LRRC7: variants seen among roughly 807,000 people sequenced by gnomAD.
The protein encoded by LRRC7 is leucine-rich repeat-containing protein 7.
A neutral mutation model predicts 175.7 loss-of-function variants in LRRC7; 23 were observed. The observed-to-expected ratio is 0.13, with a 90% confidence interval of 0.09 to 0.19. The LOEUF (loss-of-function observed/expected upper bound fraction) is 0.19, where lower values mean the gene tolerates loss of function less well. LRRC7 is among the 10% of genes least tolerant of loss of function. The pLI is 1.00. For missense variants in LRRC7, 1,354 were observed against 1,904.7 expected, an observed-to-expected ratio of 0.71 and a Z score of 5.38; for synonymous variants, 685 against 680.9, an observed-to-expected ratio of 1.01 and a Z score of -0.09.
At chr1:69,824,358 A>G (rs987448345) in intron 4 of LRRC7, among the ~76,000 whole-genome samples, 1 of 152,178 alleles carries the variant, frequency 6.6e-6, no homozygotes, top group Non-Finnish European at 1.5e-5. Context: ...GCCTTTTTTT[A>G]GTGACTATTT....
chr1:69,791,747 G>GA lies in LRRC7; in HGVS notation c.304-291dup, dbSNP rs1557734553. Among the ~76,000 whole-genome samples the GA allele has an allele frequency of 2.0e-5, 3 of 152,060 alleles. No homozygotes were observed. In the East Asian group the frequency reaches 5.8e-4, roughly 29 times the overall value. On this transcript the variant is annotated intron_variant, in intron 3 of 26. Transcript: ENST00000651989. The stretch of plus-strand genomic sequence containing the variant: ...GGACAACTCCAGAAGTTACTTAAAA[G>GA]AAAAAGCAGTCAGTGGGGGATTCAG...
At chr1:69,844,063 G>A (rs753683492) in intron 7 of LRRC7, among the ~76,000 whole-genome samples, 3 of 151,902 alleles carry the variant, frequency 2.0e-5, no homozygotes, top group African/African-American at 4.8e-5. Context: ...CCAGATTAGC[G>A]GTTTACTCTC....
At chr1:69,623,427 G>C (rs986849748) in intron 1 of LRRC7, among the ~76,000 whole-genome samples, 3 of 149,580 alleles carry the variant, frequency 2.0e-5, no homozygotes, top group Non-Finnish European at 4.5e-5. Flanking sequence ...ACATAGCTCT[G>C]CTATGAGGAA....
At chr1:69,915,704 T>C in intron 7 of LRRC7, among the ~76,000 whole-genome samples, 1 of 152,060 alleles carries the variant, frequency 6.6e-6, no homozygotes, top group Non-Finnish European at 1.5e-5. Context: ...TATAAATCCT[T>C]GGAAAAACTT....
chr1:70,058,619 C>T (rs1429709722), intron 23 of LRRC7, among the ~76,000 whole-genome samples: 1 of 152,108 alleles, frequency 6.6e-6, no homozygotes, highest in Non-Finnish European at 1.5e-5. Flanking sequence ...GTGTTAAATG[C>T]TTTAATGTAT....
At chr1:69,817,744 A>G (rs1252721335) in intron 4 of LRRC7, among the ~76,000 whole-genome samples, 1 of 152,038 alleles carries the variant, frequency 6.6e-6, no homozygotes, top group East Asian at 1.9e-4. Flanking sequence ...AACAACATTA[A>G]TTGTTTCACT....
intron 11 of LRRC7, among the ~76,000 whole-genome samples, chr1:70,004,087 A>G (rs1655780019): frequency 6.6e-6 from 1 of 152,190 alleles, no homozygotes; most frequent in East Asian, 1.9e-4. Flanking sequence ...GTTCAAATGA[A>G]AAGTTTATTA....
At position 70,125,812 on chromosome 1, in the gene LRRC7, A is replaced by G. The variant is rs932685319; in HGVS notation, c.*3925A>G. Among the ~76,000 whole-genome samples the G allele has an allele frequency of 3.7e-5, 5 of 136,802 alleles. No individual in the cohort carries two copies. Among genetic ancestry groups the G allele is most frequent in the Non-Finnish European group, 7.9e-5 (5 of 63,646 alleles). The allele number at this position is 136,802 out of a possible 152,430, so 89.7% of individuals were successfully genotyped here. A position where few individuals can be genotyped will look rare whatever the true frequency, so the allele number is the denominator to read the frequency against. ...GTCTCAAAAAAAAAAAAAAAAAAAA[A>G]GAGAAGATTCAGAGGGGAGAAAACA... On this transcript the variant is annotated 3_prime_UTR_variant, in exon 27 of 27. Transcript: ENST00000651989.
Position 70,038,364 on chromosome 1 carries a change from C to T in LRRC7, c.2540C>T (p.Pro847Leu), listed in dbSNP as rs1164805950. ...AGCACATCTTCGCATGGACGCAGGCCTTTGATCAGGCAAGACAGGATTGTT... is the reference window on the plus strand; with the variant it reads ...AGCACATCTTCGCATGGACGCAGGCTTTTGATCAGGCAAGACAGGATTGTT... The part of the protein sequence containing the change: ...SRSTSSHGRR[P>L]LIRQDRIVGV... Residue 847 changes from proline to leucine, a missense_variant, in exon 21 of 27, where the codon CCT becomes CTT. Physicochemically the swap from Pro to Leu is moderately conservative, Grantham distance 98. Coordinates refer to ENST00000651989, the MANE Select transcript of LRRC7 (RefSeq NM_001370785.2). 1 of 1,614,110 alleles carries T rather than the reference C, an allele frequency of 6.2e-7. No individual in the cohort carries two copies.
chr1:69,623,643 T>C (rs1435809601), intron 1 of LRRC7, among the ~76,000 whole-genome samples: 2 of 150,158 alleles, frequency 1.3e-5, no homozygotes, highest in Admixed American at 1.3e-4. Context: ...CTCTGCCTCC[T>C]GGGTTCAAGC....
At chr1:69,596,177 A>G (rs1646837579) in intron 1 of LRRC7, among the ~76,000 whole-genome samples, 1 of 152,102 alleles carries the variant, frequency 6.6e-6, no homozygotes. Flanking sequence ...CGTTATTCTA[A>G]CCAGTTTAAG....
chr1:69,685,117 C>G (rs140553794), intron 2 of LRRC7, among the ~76,000 whole-genome samples: 103 of 152,120 alleles, frequency 6.8e-4, no homozygotes, highest in African/African-American at 2.3e-3. Context: ...TAGCAGAAGC[C>G]CCGACAGTGC....
chr1:70,118,254 A>T (rs1321891111), intron 26 of LRRC7, among the ~76,000 whole-genome samples: 3 of 152,138 alleles, frequency 2.0e-5, no homozygotes, highest in African/African-American at 7.2e-5. Context: ...CATTTTAACA[A>T]ATACAATGTC....
chr1:69,899,797 C>T (rs1426210824), intron 7 of LRRC7, among the ~76,000 whole-genome samples: 1 of 152,142 alleles, frequency 6.6e-6, no homozygotes, highest in Non-Finnish European at 1.5e-5. Flanking sequence ...TCGTGCAGCT[C>T]TTCGGCCGTA....
intron 8 of LRRC7, among the ~76,000 whole-genome samples, chr1:69,960,728 A>G (rs1261103923): frequency 1.3e-5 from 2 of 152,074 alleles, no homozygotes; most frequent in African/African-American, 4.8e-5. Context: ...GACAAAAACC[A>G]TATGATTATC....
intron 14 of LRRC7, among the ~76,000 whole-genome samples, chr1:70,017,627 A>AT (rs775494619): frequency 7.9e-5 from 12 of 152,314 alleles, no homozygotes; most frequent in Non-Finnish European, 1.6e-4. Context: ...TGGTACGTGA[A>AT]TTGTTCATAT....
chr1:69,923,232 G>C (rs945114576), intron 7 of LRRC7, among the ~76,000 whole-genome samples: 40 of 152,076 alleles, frequency 2.6e-4, no homozygotes, highest in Non-Finnish European at 8.8e-5. Context: ...GGACATTTGG[G>C]TTGGTTCCAA....
intron 8 of LRRC7, among the ~76,000 whole-genome samples, chr1:69,947,188 G>T (rs1649429916): frequency 6.6e-6 from 1 of 151,880 alleles, no homozygotes; most frequent in African/African-American, 2.4e-5. Flanking sequence ...TTATAGTTGG[G>T]TCTTGTTATA....
intron 1 of LRRC7, among the ~76,000 whole-genome samples, chr1:69,653,065 A>C (rs540141222): frequency 6.6e-6 from 1 of 152,218 alleles, no homozygotes; most frequent in East Asian, 1.9e-4. Context: ...GACACCAAAA[A>C]CAGGGTCAAC....
Sources: allele counts gnomAD v4.1 joint callset (sites outside exome capture counted in the v4.1 genomes callset), GRCh38; gene constraint gnomAD v4.1.1; transcripts MANE v1.5; gene names NCBI Gene and HGNC (gene_info 2026-07-23, HGNC 2026-07-21).